Variants in XKR4 observed in about 807,000 individuals in gnomAD.
The protein encoded by XKR4 is XK-related protein 4.
XKR4 carries 12 observed loss-of-function variants against 53.9 expected under a neutral mutation model. The observed-to-expected ratio is 0.22, with a 90% CI of 0.14 to 0.36. The LOEUF (loss-of-function observed/expected upper bound fraction) is 0.36, where lower values mean the gene tolerates loss of function less well. XKR4 is among the 10% of genes least tolerant of loss of function. The probability of loss-of-function intolerance (pLI) is 1.00; values close to 1 mark genes in which losing one functional copy is unlikely to be tolerated. For missense variants in XKR4, 799 were observed against 859.5 expected (o/e 0.93, Z 0.88); for synonymous variants, 354 against 362.4 (o/e 0.98, Z 0.26).
chr8:55,183,756 GTTA>G (rs1485742563), intron 1 of XKR4, among the ~76,000 whole-genome samples: 1 of 152,178 alleles, frequency 6.6e-6, no homozygotes, highest in Non-Finnish European at 1.5e-5. Context: ...CAAATTGGCA[GTTA>G]GTGTTGTTCA....
At chr8:55,260,192 C>T (rs1453227568) in intron 1 of XKR4, among the ~76,000 whole-genome samples, 1 of 152,166 alleles carries the variant, frequency 6.6e-6, no homozygotes, top group Non-Finnish European at 1.5e-5. Context: ...TATTCTTTCC[C>T]CTACAGCTGT....
chr8:55,503,935 C>T (rs1286737261), intron 2 of XKR4, among the ~76,000 whole-genome samples: 1 of 151,802 alleles, frequency 6.6e-6, no homozygotes, highest in Non-Finnish European at 1.5e-5. Flanking sequence ...TTGTCAAATG[C>T]TTTTTTTGCA....
chr8:55,142,677 T>G (rs929518773), intron 1 of XKR4, among the ~76,000 whole-genome samples: 21 of 152,206 alleles, frequency 1.4e-4, no homozygotes, highest in Non-Finnish European at 2.5e-4. Context: ...AAAAAAAATT[T>G]CCAGTTTTGG....
At chr8:55,302,972 A>C (rs1246023804) in intron 1 of XKR4, among the ~76,000 whole-genome samples, 1 of 152,118 alleles carries the variant, frequency 6.6e-6, no homozygotes, top group Non-Finnish European at 1.5e-5. Context: ...TCTTTTCCTA[A>C]TTGAATACCC....
At chr8:55,320,926 TA>T in intron 1 of XKR4, among the ~76,000 whole-genome samples, 1 of 152,270 alleles carries the variant, frequency 6.6e-6, no homozygotes, top group South Asian at 2.1e-4. Context: ...AAAGGACCAT[TA>T]ATCTGTCTTC....
chr8:55,445,853 C>T (rs540141793), intron 2 of XKR4, among the ~76,000 whole-genome samples: 1 of 152,300 alleles, frequency 6.6e-6, no homozygotes, highest in South Asian at 2.1e-4. Flanking sequence ...TATTCATGTA[C>T]ACAGGTGTTC....
Position 55,523,155 on chromosome 8 carries a change from A to G in XKR4, c.1007-126A>G, listed in dbSNP as rs530762731. On this transcript the variant is annotated intron_variant, in intron 2 of 2. Transcript: ENST00000327381. Reference sequence around the variant, plus strand: ...AGACTCTGTCTCAAAAAAAAAAAAAAAAAGAAATTAAGAGTCTTTGCTGAG... The same window carrying G: ...AGACTCTGTCTCAAAAAAAAAAAAAGAAAGAAATTAAGAGTCTTTGCTGAG... The G allele has an allele frequency of 4.8e-5, 41 of 860,642 alleles. No homozygotes were observed. The Middle Eastern group carries it at 9.7e-4, about 20-fold the overall frequency. 53.3% of individuals were successfully genotyped at this position (860,642 alleles called of 1,614,324 possible).
chr8:55,453,961 C>T, intron 2 of XKR4: 1 of 707,626 alleles, frequency 1.4e-6, no homozygotes, highest in Non-Finnish European at 2.6e-6. Flanking sequence ...CCAGCCCACA[C>T]TGGCCCAGGA....
intron 1 of XKR4, among the ~76,000 whole-genome samples, chr8:55,335,212 C>T (rs563656237): frequency 2.6e-5 from 4 of 152,170 alleles, no homozygotes; most frequent in African/African-American, 7.2e-5. Context: ...TTAAGGAAAC[C>T]CAAGAAGCAG....
chr8:55,526,525 T>G lies in XKR4; in HGVS notation c.*2298T>G, dbSNP rs114718582. ...GTCAGCACATGGTGAAAACATTCCA[T>G]CCCCACTGGAGAAGGAAAAAACGAT... On this transcript the variant is annotated 3_prime_UTR_variant, in exon 3 of 3. Transcript: ENST00000327381. 1.3e-5 allele frequency: 2 copies of G among 152,124 alleles called. No individual in the cohort carries two copies. The highest frequency in any genetic ancestry group is 4.8e-5 in the African/African-American group (2 of 41,432). 9.4% of individuals were successfully genotyped at this position (152,124 alleles called of 1,614,324 possible).
chr8:55,182,871 T>A (rs1386769234), intron 1 of XKR4, among the ~76,000 whole-genome samples: 1 of 112,616 alleles, frequency 8.9e-6, no homozygotes, highest in East Asian at 2.4e-4. Context: ...TGTAGATGAG[T>A]TTGGGAAAAA....
chr8:55,261,008 CA>C (rs1248486391), intron 1 of XKR4, among the ~76,000 whole-genome samples: 1 of 152,080 alleles, frequency 6.6e-6, no homozygotes, highest in Non-Finnish European at 1.5e-5. Context: ...TCATTAAAAG[CA>C]AAACTTTATC....
At chr8:55,245,970 C>T (rs1276641025) in intron 1 of XKR4, among the ~76,000 whole-genome samples, 7 of 152,140 alleles carry the variant, frequency 4.6e-5, no homozygotes, top group East Asian at 3.9e-4. Context: ...GGCGTGGTGG[C>T]GCATGCCTGT....
At chr8:55,268,740 C>T (rs945895907) in intron 1 of XKR4, among the ~76,000 whole-genome samples, 1 of 152,104 alleles carries the variant, frequency 6.6e-6, no homozygotes, top group Non-Finnish European at 1.5e-5. Context: ...CACTTAATCC[C>T]CGCAAGATCC....
chr8:55,252,115 A>G (rs1022329408), intron 1 of XKR4, among the ~76,000 whole-genome samples: 2 of 152,172 alleles, frequency 1.3e-5, no homozygotes, highest in African/African-American at 4.8e-5. Flanking sequence ...TCACCCTCCA[A>G]TGGATTTAAA....
At chr8:55,477,259 G>A (rs536272063) in intron 2 of XKR4, among the ~76,000 whole-genome samples, 2 of 152,218 alleles carry the variant, frequency 1.3e-5, no homozygotes, top group African/African-American at 4.8e-5. Context: ...AGCCACCACT[G>A]TTCTGCAGCC....
At chr8:55,111,226 C>T (rs1816226467) in intron 1 of XKR4, among the ~76,000 whole-genome samples, 3 of 152,160 alleles carry the variant, frequency 2.0e-5, no homozygotes, top group Admixed American at 2.0e-4. Flanking sequence ...CTCCTGGAGC[C>T]TCATAGACTA....
chr8:55,526,252 A>G lies in XKR4; in HGVS notation c.*2025A>G, dbSNP rs1367080015. 1 of 152,270 alleles carries G rather than the reference A, an allele frequency of 6.6e-6. No individual in the cohort carries two copies. Among genetic ancestry groups the G allele is most frequent in the African/African-American group, 2.4e-5 (1 of 41,456 alleles). The allele number at this position is 152,270 out of a possible 1,614,324, so 9.4% of individuals were successfully genotyped here. A position where few individuals can be genotyped will look rare whatever the true frequency, so the allele number is the denominator to read the frequency against. On this transcript the variant is annotated 3_prime_UTR_variant, in exon 3 of 3. Coordinates refer to ENST00000327381, the MANE Select transcript of XKR4 (RefSeq NM_052898.2). Reference sequence around the variant, plus strand: ...AGCCACCACCTGTAATGGGTGTGTCATCCAGAGACTGTGTCCCCACGATGA... The same window carrying G: ...AGCCACCACCTGTAATGGGTGTGTCGTCCAGAGACTGTGTCCCCACGATGA...
chr8:55,472,134 C>A (rs1435482589), intron 2 of XKR4, among the ~76,000 whole-genome samples: 1 of 152,080 alleles, frequency 6.6e-6, no homozygotes, highest in African/African-American at 2.4e-5. Flanking sequence ...TGATCCTGTT[C>A]AGTGTCAGCC....
Sources: allele counts gnomAD v4.1 joint callset (sites outside exome capture counted in the v4.1 genomes callset), GRCh38; gene constraint gnomAD v4.1.1; transcripts MANE v1.5; gene names NCBI Gene and HGNC (gene_info 2026-07-23, HGNC 2026-07-21).